The following GPATCH2 variants were observed in gnomAD, a reference collection of about 807,000 sequenced individuals.
The protein encoded by GPATCH2 is G patch domain-containing protein 2.
A neutral mutation model predicts 58.0 loss-of-function variants in GPATCH2; 51 were observed. That is an observed-to-expected ratio of 0.88 (90% CI 0.70 to 1.11). The LOEUF (loss-of-function observed/expected upper bound fraction) is 1.11, where lower values mean the gene tolerates loss of function less well. Among genes scored for constraint, GPATCH2 ranks in the 50% most tolerant of loss-of-function variants. GPATCH2 has a pLI of 0.00. For missense variants in GPATCH2, 625 were observed against 652.2 expected, an observed-to-expected ratio of 0.96 and a Z score of 0.45; for synonymous variants, 222 against 218.5, an observed-to-expected ratio of 1.02 and a Z score of -0.14.
intron 5 of GPATCH2, among the ~76,000 whole-genome samples, chr1:217,606,166 A>G (rs377767026): frequency 6.6e-6 from 1 of 151,740 alleles, no homozygotes; most frequent in African/African-American, 2.4e-5. Flanking sequence ...GTATAGGTTC[A>G]GGAATAGCTA....
intron 5 of GPATCH2, among the ~76,000 whole-genome samples, chr1:217,606,170 A>G (rs191604069): frequency 7.6e-4 from 116 of 151,686 alleles, no homozygotes; most frequent in African/African-American, 2.8e-3. Context: ...AGGTTCAGGA[A>G]TAGCTATTAG....
At position 217,623,443 on chromosome 1, in the gene GPATCH2, T is replaced by A. The variant is rs573100948; in HGVS notation, c.57-2944A>T. ...AAAAGTATTGCTGTAACCAATAGAG[T>A]TTAATAAAATATAACTGCTAATATT... On this transcript the variant is annotated intron_variant, in intron 1 of 9. Transcript: ENST00000366935. Among the ~76,000 whole-genome samples, 11 of 151,816 alleles carry A rather than the reference T, an allele frequency of 7.2e-5. No homozygotes were observed. The East Asian group carries it at 2.1e-3, about 30-fold the overall frequency.
chr1:217,564,241 A>G (rs1666095347), intron 5 of GPATCH2, among the ~76,000 whole-genome samples: 1 of 152,176 alleles, frequency 6.6e-6, no homozygotes, highest in South Asian at 2.1e-4. Flanking sequence ...CAAGAGGACC[A>G]GATGATAGCC....
intron 5 of GPATCH2, among the ~76,000 whole-genome samples, chr1:217,600,201 CTG>C (rs1213389196): frequency 3.3e-5 from 5 of 152,132 alleles, no homozygotes; most frequent in African/African-American, 1.2e-4. Flanking sequence ...CCATTAAGTA[CTG>C]GTCAGTGTTT....
chr1:217,592,104 G>A (rs1667621955), intron 5 of GPATCH2, among the ~76,000 whole-genome samples: 1 of 151,988 alleles, frequency 6.6e-6, no homozygotes, highest in South Asian at 2.1e-4. Context: ...CTTAGAAAAT[G>A]TATCTTTTCC....
intron 5 of GPATCH2, among the ~76,000 whole-genome samples, chr1:217,515,599 T>G (rs560778855): frequency 9.2e-5 from 14 of 151,958 alleles, no homozygotes; most frequent in African/African-American, 3.4e-4. Flanking sequence ...TCCCAGCTAC[T>G]CGGGAGGCTG....
intron 5 of GPATCH2, among the ~76,000 whole-genome samples, chr1:217,585,715 G>A (rs1667306737): frequency 6.6e-6 from 1 of 152,170 alleles, no homozygotes; most frequent in Non-Finnish European, 1.5e-5. Context: ...CTTAGAGATT[G>A]CACAAATATG....
intron 5 of GPATCH2, among the ~76,000 whole-genome samples, chr1:217,558,799 TA>T (rs1252965205): frequency 2.0e-5 from 3 of 151,968 alleles, no homozygotes; most frequent in Non-Finnish European, 4.4e-5. Flanking sequence ...TTTTAAAAAA[TA>T]AAATAATAAT....
intron 5 of GPATCH2, among the ~76,000 whole-genome samples, chr1:217,562,773 TTTC>T (rs1242989240): frequency 1.3e-5 from 2 of 152,282 alleles, no homozygotes; most frequent in African/African-American, 4.8e-5. Flanking sequence ...TGCACTTTGG[TTTC>T]TTCATCTGTT....
intron 5 of GPATCH2, among the ~76,000 whole-genome samples, chr1:217,540,788 T>C (rs1439485280): frequency 6.6e-6 from 1 of 152,208 alleles, no homozygotes; most frequent in African/African-American, 2.4e-5. Flanking sequence ...GCCCTAGGAC[T>C]ACGTAGCTAA....
chr1:217,532,899 TG>T (rs764823415), intron 5 of GPATCH2, among the ~76,000 whole-genome samples: 33 of 12,548 alleles, frequency 2.6e-3, no homozygotes, highest in East Asian at 0.012. Context: ...TTTTTTTTTT[TG>T]TTTTTTTTTT....
chr1:217,523,763 C>A (rs1476859268), intron 5 of GPATCH2, among the ~76,000 whole-genome samples: 1 of 148,260 alleles, frequency 6.7e-6, no homozygotes, highest in Non-Finnish European at 1.5e-5. Flanking sequence ...GGCAGAGGCG[C>A]CCCTCACCTC....
intron 5 of GPATCH2, among the ~76,000 whole-genome samples, chr1:217,596,166 C>T (rs953256809): frequency 1.3e-5 from 2 of 151,992 alleles, no homozygotes; most frequent in African/African-American, 4.8e-5. Context: ...AAATAAAACA[C>T]ACTTACAGTT....
In GPATCH2 at chr1:217,463,984, G is replaced by T. The variant is rs185581681; in HGVS notation, c.1278-14647C>A. Among the ~76,000 whole-genome samples the T allele has an allele frequency of 2.6e-4, 40 of 152,210 alleles. No individual in the cohort carries two copies. The East Asian group carries it at 6.6e-3, about 25-fold the overall frequency. On this transcript the variant is annotated intron_variant, in intron 8 of 9. Coordinates refer to ENST00000366935, the MANE Select transcript of GPATCH2 (RefSeq NM_018040.5). Reference sequence around the variant, plus strand: ...TACTCAGAATAAAAGGCACTTAATGGTGTGTGAAGGACTGCATGAAACATC... The same window carrying T: ...TACTCAGAATAAAAGGCACTTAATGTTGTGTGAAGGACTGCATGAAACATC...
At chr1:217,556,901 A>C (rs1665659520) in intron 5 of GPATCH2, among the ~76,000 whole-genome samples, 1 of 152,180 alleles carries the variant, frequency 6.6e-6, no homozygotes, top group African/African-American at 2.4e-5. Context: ...GTGAAATGCT[A>C]TCTCACTGTG....
chr1:217,513,001 T>A (rs536662539), intron 6 of GPATCH2, among the ~76,000 whole-genome samples: 1 of 152,058 alleles, frequency 6.6e-6, no homozygotes, highest in East Asian at 1.9e-4. Flanking sequence ...TGAAATAGCC[T>A]ACCTTAGGCC....
chr1:217,523,620 A>G (rs1374480799), intron 5 of GPATCH2, among the ~76,000 whole-genome samples: 2 of 151,396 alleles, frequency 1.3e-5, no homozygotes, highest in Non-Finnish European at 2.9e-5. Context: ...TCTTTTCCCC[A>G]CCTTTCCCCC....
intron 8 of GPATCH2, among the ~76,000 whole-genome samples, chr1:217,476,459 G>T (rs1454840031): frequency 6.6e-6 from 1 of 152,092 alleles, no homozygotes; most frequent in East Asian, 1.9e-4. Context: ...ACTTCATACT[G>T]CTGGAAAAGG....
At chr1:217,568,584 C>T (rs935347485) in intron 5 of GPATCH2, among the ~76,000 whole-genome samples, 7 of 152,096 alleles carry the variant, frequency 4.6e-5, no homozygotes, top group Admixed American at 2.0e-4. Context: ...CATGCTTGCA[C>T]GCAATGGAAC....
Sources: allele counts gnomAD v4.1 joint callset (sites outside exome capture counted in the v4.1 genomes callset), GRCh38; gene constraint gnomAD v4.1.1; transcripts MANE v1.5; gene names NCBI Gene and HGNC (gene_info 2026-07-23, HGNC 2026-07-21).